The following PALM2AKAP2 variants were observed in gnomAD, a reference collection of about 807,000 sequenced individuals.
PALM2AKAP2 encodes PALM2 and AKAP2 fusion, also known as PALM2-AKAP2 fusion protein.
PALM2AKAP2 carries 37 observed loss-of-function variants against 71.5 expected under a neutral mutation model. That is an observed-to-expected ratio of 0.52 (90% CI 0.40 to 0.68). The LOEUF (loss-of-function observed/expected upper bound fraction) is 0.68, where lower values mean the gene tolerates loss of function less well. PALM2AKAP2 is among the 30% of genes least tolerant of loss of function. The probability of loss-of-function intolerance (pLI) is 0.00; values close to 1 mark genes in which losing one functional copy is unlikely to be tolerated. For missense variants in PALM2AKAP2, 1,224 were observed against 1,191.8 expected (o/e 1.03, Z -0.40); for synonymous variants, 468 against 478.8 (o/e 0.98, Z 0.29).
intron 1 of PALM2AKAP2, among the ~76,000 whole-genome samples, chr9:110,120,171 C>T (rs1588120212): frequency 6.6e-6 from 1 of 152,296 alleles, no homozygotes; most frequent in Admixed American, 6.5e-5. Context: ...ACATTTTCAT[C>T]ACCTATAGGT....
chr9:110,032,735 T>TA (rs1287976493), intron 7 of PALM2AKAP2, among the ~76,000 whole-genome samples: 2 of 85,870 alleles, frequency 2.3e-5, no homozygotes, highest in Non-Finnish European at 2.5e-5. Context: ...AATAAATAAA[T>TA]AAATAAAATA....
At chr9:109,693,618 C>A (rs972566691) in intron 1 of PALM2AKAP2, among the ~76,000 whole-genome samples, 9 of 151,922 alleles carry the variant, frequency 5.9e-5, no homozygotes, top group Admixed American at 3.3e-4. Context: ...AGTTTAGCTG[C>A]CTCTCATAAT....
intron 2 of PALM2AKAP2, among the ~76,000 whole-genome samples, chr9:110,152,542 G>A (rs1000562120): frequency 6.6e-6 from 1 of 152,102 alleles, no homozygotes; most frequent in African/African-American, 2.4e-5. Flanking sequence ...GGCCTTATGG[G>A]GTCATGAAAA....
At chr9:109,772,190 A>G (rs969276468) in intron 1 of PALM2AKAP2, 1 of 152,254 alleles carries the variant, frequency 6.6e-6, no homozygotes, top group Admixed American at 6.5e-5. Context: ...AAGGGCGCAG[A>G]GGCTCCTGTG....
At chr9:109,712,132 A>G (rs1190648641) in intron 1 of PALM2AKAP2, among the ~76,000 whole-genome samples, 1 of 152,156 alleles carries the variant, frequency 6.6e-6, no homozygotes, top group Non-Finnish European at 1.5e-5. Flanking sequence ...TTCACCCAAT[A>G]AAACAGGGGT....
At chr9:110,040,351 T>G (rs914780257) in intron 7 of PALM2AKAP2, among the ~76,000 whole-genome samples, 9 of 152,216 alleles carry the variant, frequency 5.9e-5, no homozygotes, top group African/African-American at 2.2e-4. Flanking sequence ...CTTCATAATA[T>G]TGTCCCATCA....
chr9:109,893,556 G>A (rs770750125), intron 3 of PALM2AKAP2, among the ~76,000 whole-genome samples: 8 of 152,032 alleles, frequency 5.3e-5, no homozygotes, highest in East Asian at 3.9e-4. Context: ...TGATTCTCTC[G>A]TGCCTTAGCC....
At chr9:109,860,555 A>G (rs1209403066) in intron 1 of PALM2AKAP2, among the ~76,000 whole-genome samples, 1 of 152,238 alleles carries the variant, frequency 6.6e-6, no homozygotes, top group Non-Finnish European at 1.5e-5. Context: ...TCTGGAGAAC[A>G]TCAGAGGGGA....
intron 1 of PALM2AKAP2, among the ~76,000 whole-genome samples, chr9:110,128,423 T>C (rs1335152071): frequency 6.6e-6 from 1 of 152,218 alleles, no homozygotes; most frequent in African/African-American, 2.4e-5. Context: ...ATTTCACAGC[T>C]ATGAGGAAGT....
intron 1 of PALM2AKAP2, among the ~76,000 whole-genome samples, chr9:109,729,648 G>A (rs1332072219): frequency 3.9e-5 from 6 of 152,194 alleles, no homozygotes; most frequent in African/African-American, 1.4e-4. Flanking sequence ...ATGACAGACT[G>A]CAGCTTAAAC....
intron 1 of PALM2AKAP2, among the ~76,000 whole-genome samples, chr9:109,845,095 C>T (rs1030228512): frequency 7.9e-5 from 12 of 152,204 alleles, no homozygotes; most frequent in African/African-American, 2.4e-4. Flanking sequence ...AAGGCCACTA[C>T]AGCTGCCTCT....
intron 3 of PALM2AKAP2, 22 bp downstream of exon 9, chr9:110,156,519 CTT>C (rs1490478949): frequency 1.9e-6 from 3 of 1,581,064 alleles, no homozygotes; most frequent in Admixed American, 3.5e-5. Context: ...CTCCTTTCCT[CTT>C]TCACTTCTCT....
chr9:109,645,881 G>T (rs1027471085), intron 1 of PALM2AKAP2, among the ~76,000 whole-genome samples: 1 of 152,026 alleles, frequency 6.6e-6, no homozygotes, highest in African/African-American at 2.4e-5. Flanking sequence ...ACAAACTTGC[G>T]CATGTACTCA....
intron 1 of PALM2AKAP2, among the ~76,000 whole-genome samples, chr9:109,661,129 T>C (rs1253871652): frequency 1.3e-5 from 2 of 152,224 alleles, no homozygotes; most frequent in Non-Finnish European, 2.9e-5. Context: ...TTCATTCTGA[T>C]GGTTGTTTCT....
rs548728090 is a variant in PALM2AKAP2, at chr9:110,132,210, C to T, written c.157-3917C>T. On this transcript the variant is annotated intron_variant, in intron 1 of 3. Transcript: ENST00000374525. ...GGGATTACAGAGGCACCTGCCACCA[C>T]GCCTGGCTAATTTTTTGTATTTTCA... is the stretch of plus-strand genomic sequence containing the variant. Among the ~76,000 whole-genome samples the T allele has an allele frequency of 5.9e-5, 9 of 152,162 alleles. No homozygotes were observed. In the East Asian group the frequency reaches 9.6e-4, roughly 16 times the overall value.
chr9:110,001,372 T>C (rs1376812950), intron 6 of PALM2AKAP2, among the ~76,000 whole-genome samples: 6 of 152,222 alleles, frequency 3.9e-5, no homozygotes, highest in Admixed American at 3.3e-4. Context: ...CATTGGTCTA[T>C]ATCTCTGTTT....
At chr9:109,687,819 G>A (rs1827825408) in intron 1 of PALM2AKAP2, among the ~76,000 whole-genome samples, 2 of 152,206 alleles carry the variant, frequency 1.3e-5, no homozygotes, top group Admixed American at 1.3e-4. Context: ...ACTAAGCTTA[G>A]TTATTTCTAG....
intron 1 of PALM2AKAP2, among the ~76,000 whole-genome samples, chr9:109,766,358 G>A (rs981784956): frequency 1.3e-5 from 2 of 152,152 alleles, no homozygotes; most frequent in Non-Finnish European, 2.9e-5. Flanking sequence ...TCAGGTGTAG[G>A]GACTCAGAGG....
chr9:109,825,582 AC>A (rs1828126039), intron 1 of PALM2AKAP2, among the ~76,000 whole-genome samples: 1 of 152,352 alleles, frequency 6.6e-6, no homozygotes, highest in Non-Finnish European at 1.5e-5. Flanking sequence ...TCAAAAGAAG[AC>A]ATTTATGCTG....
Sources: allele counts gnomAD v4.1 joint callset (sites outside exome capture counted in the v4.1 genomes callset), GRCh38; gene constraint gnomAD v4.1.1; transcripts MANE v1.5; gene names NCBI Gene and HGNC (gene_info 2026-07-23, HGNC 2026-07-21).